Variants in SIGLEC10 observed in about 807,000 individuals in gnomAD.
The protein encoded by SIGLEC10 is sialic acid-binding Ig-like lectin 10.
Under a neutral mutation model 68.3 loss-of-function variants are expected in SIGLEC10, and 45 were observed. The observed-to-expected ratio is 0.66, with a 90% CI of 0.52 to 0.84. SIGLEC10 has a LOEUF of 0.84. Among genes scored for constraint, SIGLEC10 ranks in the 40% least tolerant of loss-of-function variants. The pLI, the probability that SIGLEC10 is intolerant of heterozygous loss-of-function variation, is 0.00. For synonymous variants in SIGLEC10, 379 were observed against 370.8 expected (o/e 1.02, Z -0.26); for missense variants, 789 against 883.1 (o/e 0.89, Z 1.35).
chr19:51,415,466 A>T lies in SIGLEC10; in HGVS notation c.1073-28T>A, dbSNP rs752728557. 113 of 1,610,172 alleles carry T rather than the reference A, an allele frequency of 7.0e-5. 1 individual carries two copies. The highest frequency in any genetic ancestry group is 5.0e-4 in the Middle Eastern group (3 of 6,050). On this transcript the variant is annotated intron_variant, in intron 6 of 10. Coordinates refer to ENST00000339313, the MANE Select transcript of SIGLEC10 (RefSeq NM_033130.5). ...AGGGAAGGAAGAGGCAGAATCGATG[A>T]GCAGCTCAGGGCTCAGGGACCCTCC...
rs1346664961 is a variant in SIGLEC10 at position 51,417,450 on chromosome 19, T to C, written c.53A>G (p.Asp18Gly). 35 of 1,613,686 alleles carry C rather than the reference T, an allele frequency of 2.2e-5. No homozygotes were observed. Among genetic ancestry groups the C allele is most frequent in the Non-Finnish European group, 2.7e-5 (32 of 1,179,746 alleles). Residue 18 changes from aspartate to glycine, a missense_variant, in exon 2 of 11, where the codon GAT (aspartate) becomes GGT (glycine). Asp to Gly is a moderately conservative substitution (Grantham distance 94). Transcript: ENST00000339313. ...SSLLGGSQAMDGRFWIRVQES... is the reference protein window; with the variant it reads ...SSLLGGSQAMGGRFWIRVQES... ...CTGCACTCGTATCCAGAATCTCCCA[T>C]CCATAGCCTGGGACCCTGTGGGGAG...
rs1342119371 is a variant in SIGLEC10, at chr19:51,413,825, T to C, written c.1710-2A>G. 6.2e-7 allele frequency: 1 copy of C among 1,613,636 alleles called. No individual in the cohort carries two copies. The highest frequency in any genetic ancestry group is 1.7e-5 in the Admixed American group (1 of 60,010). On this transcript the variant is annotated splice_acceptor_variant, in intron 9 of 10. Transcript: ENST00000339313. LOFTEE classifies it high-confidence loss of function. ...CGTCTCTTCGGTAGAATCTTCATGC[T>C]GAGGAAATGAACCCACCTGTTTGTG...
At position 51,414,272 on chromosome 19, in the gene SIGLEC10, AT is replaced by A; in HGVS notation, c.1709+149del. 1 of 670,388 alleles carries A rather than the reference AT, an allele frequency of 1.5e-6. No homozygotes were observed. The highest frequency in any genetic ancestry group is 2.6e-6 in the Non-Finnish European group (1 of 389,068). 41.5% of individuals were successfully genotyped at this position (670,388 alleles called of 1,614,324 possible). A position where few individuals can be genotyped will look rare whatever the true frequency, so the allele number is the denominator to read the frequency against. ...AGACGCAGTTTGTCAGTTGGACAAC[AT>A]TCTGCATTTATGAGAACAGTTTGCT... On this transcript the variant is annotated intron_variant, in intron 9 of 10. Coordinates refer to ENST00000339313, the MANE Select transcript of SIGLEC10 (RefSeq NM_033130.5). The surrounding 1 kb of genome is among the most constrained non-coding windows in gnomAD (Gnocchi z 4.1).
Position 51,417,354 on chromosome 19 carries a change from C to T in SIGLEC10, c.149G>A (p.Trp50Ter). Residue 50 changes from tryptophan (W) to a stop codon, truncating the protein, a stop_gained, in exon 2 of 11, where the codon TGG (tryptophan) becomes TAG (stop). Coordinates refer to ENST00000339313, the MANE Select transcript of SIGLEC10 (RefSeq NM_033130.5). LOFTEE classifies it high-confidence loss of function. ...PCSFSYPRQDWTGSTPAYGYW... is the reference protein window; with the variant it reads ...PCSFSYPRQD Reference sequence around the variant, plus strand: ...GCCATAAGCTGGGGTAGACCCTGTCCAGTCCTGTCGGGGGTAGGAGAAAGA... The same window carrying T: ...GCCATAAGCTGGGGTAGACCCTGTCTAGTCCTGTCGGGGGTAGGAGAAAGA... 13 of 1,614,204 alleles carry T rather than the reference C, an allele frequency of 8.1e-6. No individual in the cohort carries two copies. The highest frequency in any genetic ancestry group is 1.1e-5 in the Non-Finnish European group (13 of 1,180,034).
In SIGLEC10 at chr19:51,413,721, A is replaced by G. The variant is rs1309057236; in HGVS notation, c.1812T>C (p.Ala604=). 4 of 1,614,094 alleles carry G rather than the reference A, an allele frequency of 2.5e-6. No homozygotes were observed. The highest frequency in any genetic ancestry group is 1.3e-5 in the African/African-American group (1 of 75,044). ...ILDYINVVPT[A]GPLAQKRNQK... is the part of the protein sequence containing the mutation. ...TGGCCCAGACACTCACCAGGGGGCC[A>G]GCCGTCGGGACCACATTGATGTAAT... The change falls in exon 10 of 11, where the codon GCT becomes GCC. Residue 604 remains alanine (A), a synonymous_variant. Coordinates refer to ENST00000339313, the MANE Select transcript of SIGLEC10 (RefSeq NM_033130.5).
In SIGLEC10 at chr19:51,416,061, G is replaced by A. The variant is rs1988597902; in HGVS notation, c.861C>T (p.Ser287=). The change falls in exon 5 of 11, where the codon AGC becomes AGT. Residue 287 remains serine (S), a synonymous_variant. Transcript: ENST00000339313. The part of the protein sequence containing the change: ...AADSQPPATL[S]WVLQNRVLSS... ...AGAGGACTCTGTTCTGCAGGACCCA[G>A]CTCAGTGTGGCAGGGGGCTGGCTGT... is the stretch of plus-strand genomic sequence containing the variant. 1 of 1,612,606 alleles carries A rather than the reference G, an allele frequency of 6.2e-7. No individual in the cohort carries two copies. The highest frequency in any genetic ancestry group is 1.7e-5 in the Admixed American group (1 of 59,886).
Position 51,416,299 on chromosome 19 carries a change from G to T in SIGLEC10, c.754+11C>A, listed in dbSNP as rs761096008. ...CAACTGGCCCAGCCCCAGCCCGACG[G>T]CCCTCAGTACCTGGCGTGTTGTCAC... is the stretch of plus-strand genomic sequence containing the variant. On this transcript the variant is annotated intron_variant, in intron 4 of 10. Transcript: ENST00000339313. 4 of 1,614,064 alleles carry T rather than the reference G, an allele frequency of 2.5e-6. No homozygotes were observed. In the Admixed American group the frequency reaches 5.0e-5, roughly 20 times the overall value.
intron 9 of SIGLEC10, 116 bp from the exon 10 acceptor site, chr19:51,413,939 C>T: frequency 1.4e-6 from 1 of 734,302 alleles, no homozygotes; most frequent in Non-Finnish European, 2.4e-6. Flanking sequence ...TTGAGACCGT[C>T]ATTATGAGAC....
At chr19:51,415,492 T>A (rs1599899037) in intron 6 of SIGLEC10, 54 bp from the exon 7 acceptor site, 1 of 1,613,714 alleles carries the variant, frequency 6.2e-7, no homozygotes, top group South Asian at 1.1e-5. Context: ...GGGACCCTCC[T>A]GCGTGGGGAC....
In SIGLEC10 at chr19:51,414,696, T is replaced by C; in HGVS notation, c.1615+128A>G. On this transcript the variant is annotated intron_variant, in intron 8 of 10. Transcript: ENST00000339313. This position sits in a 1 kb window ranked among gnomAD's most constrained non-coding sequence, Gnocchi z 4.1. Reference sequence around the variant, plus strand: ...GGTGTTAGGACTTCCCATTGTGTTTTCCTGTCTACATACAGATGCCACGGG... The same window carrying C: ...GGTGTTAGGACTTCCCATTGTGTTTCCCTGTCTACATACAGATGCCACGGG... 1 of 1,486,056 alleles carries C rather than the reference T, an allele frequency of 6.7e-7. No homozygotes were observed. Among genetic ancestry groups the C allele is most frequent in the Non-Finnish European group, 9.3e-7 (1 of 1,076,818 alleles). 92.1% of individuals were successfully genotyped at this position (1,486,056 alleles called of 1,614,324 possible).
chr19:51,410,914 G>C lies in SIGLEC10; in HGVS notation c.*185C>G. ...TCTGCCCACCTCAACCTCCCAAAGT[G>C]CTGGGATTACAGGCGTGAGCCACTG... On this transcript the variant is annotated 3_prime_UTR_variant, in exon 11 of 11. Coordinates refer to ENST00000339313, the MANE Select transcript of SIGLEC10 (RefSeq NM_033130.5). The C allele has an allele frequency of 1.5e-6, 1 of 664,808 alleles. No individual in the cohort carries two copies. The highest frequency in any genetic ancestry group is 2.3e-5 in the South Asian group (1 of 42,858). 41.2% of individuals were successfully genotyped at this position (664,808 alleles called of 1,614,324 possible). A position where few individuals can be genotyped will look rare whatever the true frequency, so the allele number is the denominator to read the frequency against.
chr19:51,414,442 G>A lies in SIGLEC10; in HGVS notation c.1689C>T (p.Phe563=). 6.2e-7 allele frequency: 1 copy of A among 1,613,922 alleles called. No homozygotes were observed. Residue 563 remains phenylalanine, a synonymous_variant, in exon 9 of 11, where the codon TTC becomes TTT. Coordinates refer to ENST00000339313, the MANE Select transcript of SIGLEC10 (RefSeq NM_033130.5). The surrounding 1 kb of genome is among the most constrained non-coding windows in gnomAD (Gnocchi z 4.1). ...FLGIGITALL[F]LCLALIIMKI... Reference sequence around the variant, plus strand: ...CCTACATGATCAGGGCCAGGCAGAGGAAAAGAAGAGCCGTGATGCCGATTC... The same window carrying A: ...CCTACATGATCAGGGCCAGGCAGAGAAAAAGAAGAGCCGTGATGCCGATTC...
rs61741686 is a variant in SIGLEC10, at chr19:51,413,725, G to T, written c.1808C>A (p.Thr603Lys). The change falls in exon 10 of 11, where the codon ACG (threonine) becomes AAG (lysine). Residue 603 changes from threonine (T) to lysine (K), a missense_variant. Coordinates refer to ENST00000339313, the MANE Select transcript of SIGLEC10 (RefSeq NM_033130.5). ...TILDYINVVP[T>K]AGPLAQKRNQ... ...CCAGACACTCACCAGGGGGCCAGCC[G>T]TCGGGACCACATTGATGTAATCCAG... 3,518 of 1,614,022 alleles carry T rather than the reference G, an allele frequency of 2.2e-3. 56 individuals carry two copies. The African/African-American group carries it at 0.042, about 19-fold the overall frequency.
chr19:51,415,516 G>A (rs1220227236), intron 6 of SIGLEC10, 52 bp downstream of exon 6: 17 of 1,613,950 alleles, frequency 1.1e-5, no homozygotes, highest in Non-Finnish European at 1.7e-6. Context: ...CCAGACTCCT[G>A]GGCCCCCAAT....
rs900782907 is a variant in SIGLEC10, at chr19:51,417,510, C to T, written c.37+35G>A. On this transcript the variant is annotated intron_variant, in intron 1 of 10. Coordinates refer to ENST00000339313, the MANE Select transcript of SIGLEC10 (RefSeq NM_033130.5). Reference sequence around the variant, plus strand: ...CAACCTGCAACCCCAGCCCTAGCTCCGCCCCAGGTCCTTTCCGGCCCTTGG... The same window carrying T: ...CAACCTGCAACCCCAGCCCTAGCTCTGCCCCAGGTCCTTTCCGGCCCTTGG... 11 of 1,613,976 alleles carry T rather than the reference C, an allele frequency of 6.8e-6. No homozygotes were observed. In the East Asian group the frequency reaches 1.1e-4, roughly 16 times the overall value.
In SIGLEC10 at chr19:51,414,418, C is replaced by T. The variant is rs1219162081; in HGVS notation, c.1709+4G>A. ...AGACCCCGCCACGCCTCCTCTTAACCTACATGATCAGGGCCAGGCAGAGGA... is the reference window on the plus strand; with the variant it reads ...AGACCCCGCCACGCCTCCTCTTAACTTACATGATCAGGGCCAGGCAGAGGA... On this transcript the variant is annotated splice_donor_region_variant and intron_variant, in intron 9 of 10. Transcript: ENST00000339313. This position sits in a 1 kb window ranked among gnomAD's most constrained non-coding sequence, Gnocchi z 4.1. 2 of 1,612,996 alleles carry T rather than the reference C, an allele frequency of 1.2e-6. No individual in the cohort carries two copies. Among genetic ancestry groups the T allele is most frequent in the East Asian group, 4.5e-5 (2 of 44,874 alleles).
rs1312204636 is a variant in SIGLEC10, at chr19:51,410,178, G to A, written c.*921C>T. 1 of 152,158 alleles carries A rather than the reference G, an allele frequency of 6.6e-6. No homozygotes were observed. Among genetic ancestry groups the A allele is most frequent in the Non-Finnish European group, 1.5e-5 (1 of 68,036 alleles). The allele number at this position is 152,158 out of a possible 1,614,324, so 9.4% of individuals were successfully genotyped here. ...GATTATTCATTCCTCCCCCTTTTGGGACATATCGGGTAACTTCCTGATGTT... is the reference window on the plus strand; with the variant it reads ...GATTATTCATTCCTCCCCCTTTTGGAACATATCGGGTAACTTCCTGATGTT... On this transcript the variant is annotated 3_prime_UTR_variant, in exon 11 of 11. Transcript: ENST00000339313.
At chr19:51,413,595 C>T in intron 10 of SIGLEC10, 117 bp downstream of exon 10, 1 of 878,896 alleles carries the variant, frequency 1.1e-6, no homozygotes, top group Non-Finnish European at 1.8e-6. Flanking sequence ...GATTTGAATT[C>T]AGAACTATCG....
chr19:51,414,556 C>T lies in SIGLEC10; in HGVS notation c.1616-41G>A. 1 of 1,590,364 alleles carries T rather than the reference C, an allele frequency of 6.3e-7. No homozygotes were observed. Among genetic ancestry groups the T allele is most frequent in the South Asian group, 1.1e-5 (1 of 89,872 alleles). ...GCAAGGTGAGCATTTCCCATCCACG[C>T]AGGGCTCACGAAGCCCGCTCATCAC... is the stretch of plus-strand genomic sequence containing the variant. On this transcript the variant is annotated intron_variant, in intron 8 of 10. Coordinates refer to ENST00000339313, the MANE Select transcript of SIGLEC10 (RefSeq NM_033130.5). This position sits in a 1 kb window ranked among gnomAD's most constrained non-coding sequence, Gnocchi z 4.1.
Sources: allele counts gnomAD v4.1 joint callset, GRCh38; gene constraint gnomAD v4.1.1; non-coding constraint Gnocchi (gnomAD v3.1); transcripts MANE v1.5; gene names NCBI Gene and HGNC (gene_info 2026-07-23, HGNC 2026-07-21).